Variants in LRPPRC observed in about 807,000 individuals in gnomAD.
The protein encoded by LRPPRC is leucine rich pentatricopeptide repeat containing, also known as leucine-rich PPR motif-containing protein, mitochondrial.
LRPPRC carries 120 observed loss-of-function variants against 180.3 expected under a neutral mutation model. That is an observed-to-expected ratio of 0.67 (90% CI 0.57 to 0.77). The LOEUF (loss-of-function observed/expected upper bound fraction) is 0.77. Ranked by LOEUF, LRPPRC falls within the 30% of genes least tolerant of loss-of-function variation. The pLI is 0.00. For missense variants in LRPPRC, 2,012 were observed against 1,657.2 expected (o/e 1.21, Z -3.72); for synonymous variants, 723 against 600.0 (o/e 1.21, Z -3.00).
At chr2:43,965,328 G>C (rs1424018642) in intron 11 of LRPPRC, among the ~76,000 whole-genome samples, 4 of 152,022 alleles carry the variant, frequency 2.6e-5, no homozygotes, top group Admixed American at 2.0e-4. Context: ...CAAAGTGTTG[G>C]GATTACAGGC....
chr2:43,910,596 T>C (rs1671222372), intron 30 of LRPPRC, among the ~76,000 whole-genome samples: 1 of 152,198 alleles, frequency 6.6e-6, no homozygotes, highest in Non-Finnish European at 1.5e-5. Flanking sequence ...TGTTTTATAA[T>C]ATAGTTACAT....
intron 29 of LRPPRC, among the ~76,000 whole-genome samples, chr2:43,913,816 G>A (rs1008854208): frequency 3.9e-5 from 6 of 152,106 alleles, no homozygotes; most frequent in Admixed American, 1.3e-4. Flanking sequence ...GGCAAAAAAC[G>A]GAAAATAAAA....
intron 2 of LRPPRC, among the ~76,000 whole-genome samples, chr2:43,981,087 C>CA (rs1331524678): frequency 6.6e-6 from 1 of 151,668 alleles, no homozygotes; most frequent in Non-Finnish European, 1.5e-5. Context: ...AAACTGCATG[C>CA]AAAATTATGC....
rs540850536 is a variant in LRPPRC, at chr2:43,995,779, G to A, written c.149+20C>T. 26 of 1,353,098 alleles carry A rather than the reference G, an allele frequency of 1.9e-5. No individual in the cohort carries two copies. Among genetic ancestry groups the A allele is most frequent in the East Asian group, 6.1e-5 (2 of 32,726 alleles). 83.8% of individuals were successfully genotyped at this position (1,353,098 alleles called of 1,614,324 possible). ...ACCCTGGCGCCGCAGCTTGCCTGGA[G>A]AAAGGGCCTGGGCACTCACCCGGCC... On this transcript the variant is annotated intron_variant, in intron 1 of 37. Transcript: ENST00000260665.
intron 23 of LRPPRC, among the ~76,000 whole-genome samples, chr2:43,942,473 A>C (rs944021463): frequency 6.6e-6 from 1 of 152,172 alleles, no homozygotes; most frequent in African/African-American, 2.4e-5. Context: ...GAGACTGTAG[A>C]GGTTAAGATT....
At chr2:43,990,161 G>A (rs1674709517) in intron 1 of LRPPRC, among the ~76,000 whole-genome samples, 1 of 152,176 alleles carries the variant, frequency 6.6e-6, no homozygotes, top group African/African-American at 2.4e-5. Flanking sequence ...AGAGGTTGCA[G>A]TGAGCCGAGA....
At chr2:43,938,468 C>T (rs1287258912) in intron 23 of LRPPRC, among the ~76,000 whole-genome samples, 6 of 152,172 alleles carry the variant, frequency 3.9e-5, no homozygotes, top group African/African-American at 1.4e-4. Context: ...AATTCATTAA[C>T]TTGAATAGAC....
rs1022690793 is a variant in LRPPRC at position 43,974,514 on chromosome 2, C to T, written c.1009+100G>A. 1.6e-5 allele frequency: 15 copies of T among 917,536 alleles called. No individual in the cohort carries two copies. In the African/African-American group the frequency reaches 2.3e-4, roughly 14 times the overall value. The allele number at this position is 917,536 out of a possible 1,614,324, so 56.8% of individuals were successfully genotyped here. On this transcript the variant is annotated intron_variant, in intron 8 of 37. Coordinates refer to ENST00000260665, the MANE Select transcript of LRPPRC (RefSeq NM_133259.4). ...CTGACTTTAAGAGTTCTATGTTCAA[C>T]TCCCACAATGCCCATTGTTAGAAAA...
In LRPPRC at chr2:43,964,034, C is replaced by T. The variant is rs567326751; in HGVS notation, c.1370-328G>A. Among the ~76,000 whole-genome samples, 8 of 152,266 alleles carry T rather than the reference C, an allele frequency of 5.3e-5. No individual in the cohort carries two copies. The South Asian group carries it at 1.7e-3, about 32-fold the overall frequency. On this transcript the variant is annotated intron_variant, in intron 11 of 37. Coordinates refer to ENST00000260665, the MANE Select transcript of LRPPRC (RefSeq NM_133259.4). Reference sequence around the variant, plus strand: ...ATAATACAACACTGCTATTATAGAGCAATGATGGACTTGTACACAAAAAAT... The same window carrying T: ...ATAATACAACACTGCTATTATAGAGTAATGATGGACTTGTACACAAAAAAT...
At position 43,888,579 on chromosome 2, in the gene LRPPRC, A is replaced by G. The variant is rs760500188; in HGVS notation, c.*21T>C. On this transcript the variant is annotated 3_prime_UTR_variant, in exon 38 of 38. Coordinates refer to ENST00000260665, the MANE Select transcript of LRPPRC (RefSeq NM_133259.4). ...ACACAGAATCACAAATATATACAAA[A>G]CAAAGTATCGCCTGGTTATTTCAAG... The G allele has an allele frequency of 1.6e-5, 24 of 1,465,578 alleles. No individual in the cohort carries two copies. The highest frequency in any genetic ancestry group is 9.6e-7 in the Non-Finnish European group (1 of 1,045,408). The allele number at this position is 1,465,578 out of a possible 1,614,324, so 90.8% of individuals were successfully genotyped here.
At chr2:43,937,259 T>G (rs1048437230) in intron 23 of LRPPRC, among the ~76,000 whole-genome samples, 1 of 152,172 alleles carries the variant, frequency 6.6e-6, no homozygotes, top group Admixed American at 6.5e-5. Flanking sequence ...TTGTCAGTAA[T>G]TTTAAGAACC....
intron 1 of LRPPRC, among the ~76,000 whole-genome samples, chr2:43,984,866 T>C (rs992185200): frequency 1.3e-5 from 2 of 152,162 alleles, no homozygotes; most frequent in African/African-American, 4.8e-5. Context: ...ACTGGCTCCT[T>C]TACATTTCCT....
At chr2:43,916,877 G>A (rs560003657) in intron 29 of LRPPRC, among the ~76,000 whole-genome samples, 3 of 150,604 alleles carry the variant, frequency 2.0e-5, no homozygotes, top group South Asian at 2.1e-4. Context: ...CCCACGAGGC[G>A]GGGGCTGCAA....
At chr2:43,924,067 C>G (rs1671791059) in intron 27 of LRPPRC, among the ~76,000 whole-genome samples, 1 of 152,016 alleles carries the variant, frequency 6.6e-6, no homozygotes, top group Non-Finnish European at 1.5e-5. Context: ...AAATTTTAAG[C>G]AAGTTTAATT....
At chr2:43,975,423 T>A (rs932535311) in intron 6 of LRPPRC, among the ~76,000 whole-genome samples, 2 of 152,144 alleles carry the variant, frequency 1.3e-5, no homozygotes, top group African/African-American at 4.8e-5. Context: ...TAAAAAATAA[T>A]AATAATTACA....
At chr2:43,923,550 C>G (rs747090392) in intron 27 of LRPPRC, among the ~76,000 whole-genome samples, 9 of 152,220 alleles carry the variant, frequency 5.9e-5, no homozygotes, top group African/African-American at 2.2e-4. Context: ...GGCTGGCCAC[C>G]TCTCACCTGG....
intron 11 of LRPPRC, among the ~76,000 whole-genome samples, chr2:43,969,229 G>A (rs1673694504): frequency 1.3e-5 from 2 of 152,016 alleles, no homozygotes; most frequent in South Asian, 2.1e-4. Context: ...TGGCTAACAC[G>A]GTGAAACCCC....
chr2:43,919,362 G>T (rs1228728581), intron 27 of LRPPRC, among the ~76,000 whole-genome samples: 3 of 152,146 alleles, frequency 2.0e-5, no homozygotes, highest in African/African-American at 7.2e-5. Flanking sequence ...TAAAATGATT[G>T]CAAGTGTGTA....
intron 14 of LRPPRC, among the ~76,000 whole-genome samples, chr2:43,954,497 G>A (rs1449508338): frequency 6.6e-6 from 1 of 152,196 alleles, no homozygotes; most frequent in African/African-American, 2.4e-5. Context: ...TACATTGCTG[G>A]TAGAAGTGTG....
Sources: gnomAD v4.1 joint callset for allele counts (sites outside exome capture counted in the v4.1 genomes callset) on GRCh38, gnomAD v4.1.1 for gene constraint, MANE v1.5 for transcripts, NCBI Gene and HGNC (gene_info 2026-07-23, HGNC 2026-07-21) for gene names.